The following SDCCAG8 variants were observed in gnomAD, a reference collection of about 807,000 sequenced individuals.
SDCCAG8 encodes SHH signaling and ciliogenesis regulator SDCCAG8.
Under a neutral mutation model 101.8 loss-of-function variants are expected in SDCCAG8, and 74 were observed. That is an observed-to-expected ratio of 0.73 (90% CI 0.60 to 0.88). The LOEUF (loss-of-function observed/expected upper bound fraction) is 0.88, where lower values mean the gene tolerates loss of function less well. Among genes scored for constraint, SDCCAG8 ranks in the 40% least tolerant of loss-of-function variants. The probability of loss-of-function intolerance (pLI) is 0.00; values close to 1 mark genes in which losing one functional copy is unlikely to be tolerated. For synonymous variants in SDCCAG8, 281 were observed against 292.9 expected (o/e 0.96, Z 0.41); for missense variants, 787 against 822.6 (o/e 0.96, Z 0.53).
At chr1:243,339,771 A>G (rs1033696514) in intron 10 of SDCCAG8, among the ~76,000 whole-genome samples, 19 of 152,200 alleles carry the variant, frequency 1.2e-4, no homozygotes, top group African/African-American at 4.1e-4. Flanking sequence ...GTTGATTTTT[A>G]TCATAGAATT....
chr1:243,476,092 C>T (rs1412007905), intron 16 of SDCCAG8: 2 of 985,282 alleles, frequency 2.0e-6, no homozygotes, highest in African/African-American at 3.5e-5. Context: ...GTGGAGGACC[C>T]CCTTTTACTG....
intron 17 of SDCCAG8, among the ~76,000 whole-genome samples, chr1:243,493,321 C>T (rs1667042277): frequency 6.6e-6 from 1 of 152,126 alleles, no homozygotes; most frequent in South Asian, 2.1e-4. Context: ...GTCTGCGGCC[C>T]AGAGCCTGGG....
Position 243,378,757 on chromosome 1 carries a change from AAACAACACTTGG to A in SDCCAG8, c.1515_1526del (p.His506_Gln509del), listed in dbSNP as rs1331491146. ...ATTGAGAATAGAACTGGATGAAAGC[AAACAACACTTGG>A]AACAGGAGCAGCAGAAGGCAGCCCT... On this transcript the variant is annotated inframe_deletion, in exon 13 of 18. Coordinates refer to ENST00000366541, the MANE Select transcript of SDCCAG8 (RefSeq NM_006642.5). 3.1e-6 allele frequency: 5 copies of A among 1,614,006 alleles called. No homozygotes were observed. Among genetic ancestry groups the A allele is most frequent in the Non-Finnish European group, 4.2e-6 (5 of 1,179,998 alleles).
intron 16 of SDCCAG8, among the ~76,000 whole-genome samples, chr1:243,431,440 G>A (rs2081757846): frequency 6.6e-6 from 1 of 152,134 alleles, no homozygotes; most frequent in Non-Finnish European, 1.5e-5. Flanking sequence ...TGAGAACTAG[G>A]GAACACTCTA....
At chr1:243,486,959 C>G (rs1665040204) in intron 16 of SDCCAG8, among the ~76,000 whole-genome samples, 2 of 152,240 alleles carry the variant, frequency 1.3e-5, no homozygotes. Context: ...GCCAGTAGCT[C>G]TCTCCACAGG....
intron 16 of SDCCAG8, chr1:243,475,885 G>T (rs1216631285): frequency 1.1e-5 from 11 of 971,802 alleles, no homozygotes; most frequent in East Asian, 1.1e-4. Context: ...AAATTTTGCA[G>T]CCCAAATATT....
intron 16 of SDCCAG8, among the ~76,000 whole-genome samples, chr1:243,439,622 T>TCTCTCACACA (rs541157518): frequency 8.3e-6 from 1 of 120,146 alleles, no homozygotes; most frequent in African/African-American, 3.3e-5. Flanking sequence ...TGAGACTCCA[T>TCTCTCACACA]CACACACACA....
At chr1:243,420,918 A>G (rs1251470521) in intron 15 of SDCCAG8, among the ~76,000 whole-genome samples, 2 of 152,158 alleles carry the variant, frequency 1.3e-5, no homozygotes, top group African/African-American at 4.8e-5. Context: ...TAAAATACAA[A>G]TTATTAATGT....
rs577213910 is a variant in SDCCAG8, at chr1:243,445,710, C to T, written c.1985+19152C>T. ...TTGATTTCTCCAAACTAAGTGAGGA[C>T]ATAAAGACACTTGGGAAACAGCCTT... On this transcript the variant is annotated intron_variant, in intron 16 of 17. Transcript: ENST00000366541. Among the ~76,000 whole-genome samples the T allele has an allele frequency of 4.5e-4, 69 of 152,274 alleles. No homozygotes were observed. The South Asian group carries it at 0.014, about 31-fold the overall frequency.
intron 16 of SDCCAG8, among the ~76,000 whole-genome samples, chr1:243,456,659 G>A (rs534535408): frequency 6.6e-6 from 1 of 152,212 alleles, no homozygotes; most frequent in East Asian, 1.9e-4. Context: ...CATTTAAAAA[G>A]GGGGTAGAGG....
At chr1:243,425,850 G>T (rs1359540158) in intron 15 of SDCCAG8, among the ~76,000 whole-genome samples, 1 of 152,136 alleles carries the variant, frequency 6.6e-6, no homozygotes, top group Non-Finnish European at 1.5e-5. Context: ...TGCCTGCATG[G>T]ACGGCAATCT....
At chr1:243,365,413 A>G (rs189508482) in intron 12 of SDCCAG8, among the ~76,000 whole-genome samples, 53 of 152,356 alleles carry the variant, frequency 3.5e-4, no homozygotes, top group African/African-American at 1.3e-3. Flanking sequence ...TGTATTTGCT[A>G]AGTAAATACT....
chr1:243,353,763 C>G (rs555331939), intron 12 of SDCCAG8, among the ~76,000 whole-genome samples: 1 of 152,036 alleles, frequency 6.6e-6, no homozygotes, highest in South Asian at 2.1e-4. Flanking sequence ...ATAATTGTCT[C>G]CTTGTAATAT....
intron 8 of SDCCAG8, among the ~76,000 whole-genome samples, chr1:243,313,101 G>C (rs1186184602): frequency 6.6e-6 from 1 of 152,142 alleles, no homozygotes; most frequent in Non-Finnish European, 1.5e-5. Context: ...CTTTTCTGGG[G>C]CTTTAGTCCA....
intron 16 of SDCCAG8, chr1:243,488,583 A>G (rs1665578364): frequency 4.3e-6 from 1 of 230,378 alleles, no homozygotes; most frequent in African/African-American, 2.3e-5. Flanking sequence ...TGACTGAGTG[A>G]TTAATAATGG....
intron 1 of SDCCAG8, among the ~76,000 whole-genome samples, chr1:243,257,583 A>G (rs570320674): frequency 1.4e-4 from 22 of 152,362 alleles, no homozygotes; most frequent in Non-Finnish European, 2.8e-4. Context: ...TGTTACTTAA[A>G]GCAAAGTGAA....
At chr1:243,351,142 C>T (rs1475796218) in intron 12 of SDCCAG8, among the ~76,000 whole-genome samples, 9 of 152,212 alleles carry the variant, frequency 5.9e-5, no homozygotes, top group Non-Finnish European at 1.3e-4. Flanking sequence ...TCACTTCTCC[C>T]TCTACAAAAT....
intron 17 of SDCCAG8, among the ~76,000 whole-genome samples, chr1:243,499,100 G>A (rs1161383031): frequency 1.3e-5 from 2 of 152,188 alleles, no homozygotes; most frequent in Non-Finnish European, 2.9e-5. Context: ...TGGCAGCAGA[G>A]GCCAGGAACA....
intron 8 of SDCCAG8, among the ~76,000 whole-genome samples, chr1:243,310,661 T>A (rs549117191): frequency 6.6e-6 from 1 of 152,170 alleles, no homozygotes; most frequent in East Asian, 1.9e-4. Flanking sequence ...AAAAATAAAT[T>A]CCCTTACAAT....
Sources: allele counts gnomAD v4.1 joint callset (sites outside exome capture counted in the v4.1 genomes callset), GRCh38; gene constraint gnomAD v4.1.1; transcripts MANE v1.5; gene names NCBI Gene and HGNC (gene_info 2026-07-23, HGNC 2026-07-21).